DLGAP2: variants seen among roughly 807,000 people sequenced by gnomAD.
DLGAP2 encodes DLG associated protein 2.
DLGAP2 carries 26 observed loss-of-function variants against 100.3 expected under a neutral mutation model. The ratio of observed to expected loss-of-function variants is 0.26; its 90% CI spans 0.19 to 0.36. The LOEUF (loss-of-function observed/expected upper bound fraction) is 0.36, where lower values mean the gene tolerates loss of function less well. Ranked by LOEUF, DLGAP2 falls within the 10% of genes least tolerant of loss-of-function variation. The probability of loss-of-function intolerance (pLI) is 1.00; values close to 1 mark genes in which losing one functional copy is unlikely to be tolerated. For synonymous variants in DLGAP2, 886 were observed against 630.1 expected (o/e 1.41, Z -6.08); for missense variants, 1,858 against 1,453.2 (o/e 1.28, Z -4.53).
chr8:1,261,965 G>C (rs1450338948), intron 3 of DLGAP2, among the ~76,000 whole-genome samples: 1 of 152,188 alleles, frequency 6.6e-6, no homozygotes, highest in Middle Eastern at 3.2e-3. Flanking sequence ...ATTACATCCA[G>C]AAGGTTAAGG....
chr8:1,416,400 C>G (rs530155211), intron 3 of DLGAP2, among the ~76,000 whole-genome samples: 3 of 152,318 alleles, frequency 2.0e-5, no homozygotes, highest in South Asian at 2.1e-4. Flanking sequence ...TGCAGCGATA[C>G]TACAGTTTCT....
intron 1 of DLGAP2, among the ~76,000 whole-genome samples, chr8:840,925 A>G (rs1396627585): frequency 6.6e-6 from 1 of 152,220 alleles, no homozygotes; most frequent in African/African-American, 2.4e-5. Context: ...GGCAGGACTC[A>G]GCAGTGGCTG....
chr8:1,601,094 TTC>T (rs1192599595), intron 6 of DLGAP2, among the ~76,000 whole-genome samples: 1 of 152,206 alleles, frequency 6.6e-6, no homozygotes, highest in Non-Finnish European at 1.5e-5. Context: ...TGCTATTACT[TTC>T]TGTTTGATAG....
chr8:1,538,399 A>G (rs1029348242), intron 4 of DLGAP2, among the ~76,000 whole-genome samples: 2 of 152,248 alleles, frequency 1.3e-5, no homozygotes, highest in African/African-American at 4.8e-5. Flanking sequence ...CCACAAACAC[A>G]GAATTCCCTG....
chr8:848,463 C>T (rs1261670833), intron 1 of DLGAP2, among the ~76,000 whole-genome samples: 1 of 17,172 alleles, frequency 5.8e-5, no homozygotes, highest in Admixed American at 5.8e-4. Context: ...TAGGGTCGTG[C>T]GGTGCGTGTT....
At chr8:1,269,128 A>G (rs932540926) in intron 3 of DLGAP2, among the ~76,000 whole-genome samples, 3 of 152,168 alleles carry the variant, frequency 2.0e-5, no homozygotes, top group Non-Finnish European at 4.4e-5. Flanking sequence ...TCACCCCTTC[A>G]TCGGTGGGCC....
intron 1 of DLGAP2, among the ~76,000 whole-genome samples, chr8:881,386 G>A (rs1797788038): frequency 6.6e-6 from 1 of 151,758 alleles, no homozygotes; most frequent in African/African-American, 2.4e-5. Context: ...TTATTTCTCA[G>A]ATTGTTCTGT....
rs191024736 is a variant in DLGAP2 at position 1,331,203 on chromosome 8, G to A, written c.106+72320G>A. Among the ~76,000 whole-genome samples, 272 of 152,334 alleles carry A rather than the reference G, an allele frequency of 1.8e-3. 3 individuals are homozygous for A. The highest frequency in any genetic ancestry group is 3.1e-3 in the Non-Finnish European group (210 of 68,032). Reference sequence around the variant, plus strand: ...CTTAGTCGACAGGTAGAAATGCAGCGATGTGGCACTGATGTGCTAGTTGAA... The same window carrying A: ...CTTAGTCGACAGGTAGAAATGCAGCAATGTGGCACTGATGTGCTAGTTGAA... On this transcript the variant is annotated intron_variant, in intron 3 of 14. Coordinates refer to ENST00000637795, the MANE Select transcript of DLGAP2 (RefSeq NM_001346810.2).
At chr8:1,069,630 A>T (rs962133941) in intron 2 of DLGAP2, among the ~76,000 whole-genome samples, 1 of 152,204 alleles carries the variant, frequency 6.6e-6, no homozygotes, top group Non-Finnish European at 1.5e-5. Flanking sequence ...TTTGCTTAAA[A>T]ATAGCGTCAT....
intron 2 of DLGAP2, among the ~76,000 whole-genome samples, chr8:963,538 G>A (rs763249504): frequency 1.2e-4 from 19 of 152,160 alleles, no homozygotes; most frequent in Middle Eastern, 3.4e-3. Flanking sequence ...TAAAGTAAGC[G>A]TTAAATGTAA....
chr8:1,019,638 C>T (rs78335870), intron 2 of DLGAP2: 1 of 64,636 alleles, frequency 1.5e-5, no homozygotes, highest in African/African-American at 4.1e-5. Flanking sequence ...GTGGCTTATT[C>T]ATTGGAGCTT....
At chr8:1,238,579 T>C (rs1223625642) in intron 2 of DLGAP2, among the ~76,000 whole-genome samples, 1 of 76,920 alleles carries the variant, frequency 1.3e-5, no homozygotes, top group Non-Finnish European at 2.7e-5. Context: ...CATGGCGCCG[T>C]GTCTAGTTAC....
At chr8:1,632,077 G>A (rs1316691400) in intron 7 of DLGAP2, among the ~76,000 whole-genome samples, 2 of 151,646 alleles carry the variant, frequency 1.3e-5, no homozygotes, top group East Asian at 3.9e-4. Context: ...GGGGTGAGGG[G>A]AGAAAGAGAG....
intron 3 of DLGAP2, among the ~76,000 whole-genome samples, chr8:1,446,248 G>A (rs1450073913): frequency 1.3e-5 from 2 of 151,064 alleles, no homozygotes; most frequent in African/African-American, 4.9e-5. Flanking sequence ...GTCTTTAATC[G>A]ATCTTGAATT....
chr8:1,297,391 T>C (rs1441060439), intron 3 of DLGAP2, among the ~76,000 whole-genome samples: 1 of 152,352 alleles, frequency 6.6e-6, no homozygotes, highest in Non-Finnish European at 1.5e-5. Context: ...CTTTAAATCA[T>C]GTATTTCATG....
At chr8:1,518,484 T>C (rs1002394201) in intron 4 of DLGAP2, among the ~76,000 whole-genome samples, 9 of 152,198 alleles carry the variant, frequency 5.9e-5, no homozygotes, top group African/African-American at 1.9e-4. Context: ...AAAGCTGACA[T>C]TTATATAACG....
intron 2 of DLGAP2, chr8:1,019,117 C>T (rs562376123): frequency 6.6e-6 from 1 of 152,208 alleles, no homozygotes; most frequent in East Asian, 1.9e-4. Context: ...CCACGCCAGC[C>T]ACGCCAGCAT....
At chr8:1,533,394 T>A (rs929217489) in intron 4 of DLGAP2, among the ~76,000 whole-genome samples, 1 of 151,752 alleles carries the variant, frequency 6.6e-6, no homozygotes, top group African/African-American at 2.4e-5. Context: ...TAGTCCGAGC[T>A]ACTCGGCAGG....
intron 1 of DLGAP2, among the ~76,000 whole-genome samples, chr8:898,239 C>T (rs1798184688): frequency 6.6e-6 from 1 of 152,082 alleles, no homozygotes; most frequent in South Asian, 2.1e-4. Flanking sequence ...ATGTTTATCC[C>T]ATGACTTAAC....
Sources: gnomAD v4.1 joint callset for allele counts (sites outside exome capture counted in the v4.1 genomes callset) on GRCh38, gnomAD v4.1.1 for gene constraint, MANE v1.5 for transcripts, NCBI Gene and HGNC (gene_info 2026-07-23, HGNC 2026-07-21) for gene names.